IARS1: variants seen among roughly 807,000 people sequenced by gnomAD.
IARS1 encodes isoleucine--tRNA ligase, cytoplasmic.
A neutral mutation model predicts 168.2 loss-of-function variants in IARS1; 124 were observed. The observed-to-expected ratio is 0.74, with a 90% CI of 0.64 to 0.86. The LOEUF (loss-of-function observed/expected upper bound fraction) is 0.86. IARS1 is among the 40% of genes least tolerant of loss of function. The probability of loss-of-function intolerance (pLI) is 0.00; values close to 1 mark genes in which losing one functional copy is unlikely to be tolerated. For synonymous variants in IARS1, 532 were observed against 529.4 expected, an observed-to-expected ratio of 1.00 and a Z score of -0.07; for missense variants, 1,452 against 1,515.8, an observed-to-expected ratio of 0.96 and a Z score of 0.70.
chr9:92,286,855 T>G (rs1347150084), intron 4 of IARS1, among the ~76,000 whole-genome samples: 1 of 152,192 alleles, frequency 6.6e-6, no homozygotes, highest in East Asian at 1.9e-4. Context: ...CTTATAAAAG[T>G]CTACCAAAAC....
intron 21 of IARS1, among the ~76,000 whole-genome samples, chr9:92,252,708 G>A (rs1009535007): frequency 2.4e-5 from 3 of 125,536 alleles, no homozygotes; most frequent in Admixed American, 1.9e-4. Context: ...AGGTTGTAGT[G>A]AGCCAAGATC....
chr9:92,228,853 T>G (rs897622285), intron 31 of IARS1, 148 bp downstream of exon 31: 1 of 803,098 alleles, frequency 1.2e-6, no homozygotes, highest in Admixed American at 2.3e-5. Context: ...GAATAGACAC[T>G]GCAGGCAGGC....
intron 30 of IARS1, among the ~76,000 whole-genome samples, chr9:92,236,150 ATTTT>A (rs1410142287): frequency 6.6e-6 from 1 of 151,718 alleles, no homozygotes; most frequent in African/African-American, 2.4e-5. Flanking sequence ...GGCTTGGCTA[ATTTT>A]TGTATTTTTA....
At chr9:92,276,008 G>A (rs908397266) in intron 9 of IARS1, among the ~76,000 whole-genome samples, 1 of 152,204 alleles carries the variant, frequency 6.6e-6, no homozygotes. Flanking sequence ...TCAGGGGGTT[G>A]AGTTTTTGGG....
At chr9:92,221,291 A>G (rs978905705) in intron 33 of IARS1, among the ~76,000 whole-genome samples, 7 of 149,524 alleles carry the variant, frequency 4.7e-5, no homozygotes, top group African/African-American at 9.8e-5. Context: ...GAGAGAATGA[A>G]TAAGAGGTAA....
At chr9:92,271,217 G>A (rs556120808) in intron 11 of IARS1, 141 bp from the exon 12 acceptor site, 4 of 609,702 alleles carry the variant, frequency 6.6e-6, no homozygotes, top group East Asian at 5.7e-5. Context: ...CTAACTTTAA[G>A]TAATTTTCAA....
chr9:92,215,740 T>C (rs1838564243), intron 33 of IARS1, among the ~76,000 whole-genome samples: 1 of 151,466 alleles, frequency 6.6e-6, no homozygotes, highest in African/African-American at 2.4e-5. Context: ...TAAAACGAAA[T>C]GAGTAAAGCC....
intron 10 of IARS1, among the ~76,000 whole-genome samples, chr9:92,273,149 A>C (rs931950327): frequency 1.3e-5 from 2 of 150,706 alleles, no homozygotes; most frequent in South Asian, 2.1e-4. Flanking sequence ...AAAAAAAAAA[A>C]CCCCTACACT....
chr9:92,260,382 G>A (rs1227222853), intron 17 of IARS1, 148 bp from the exon 18 acceptor site: 6 of 657,930 alleles, frequency 9.1e-6, no homozygotes, highest in Middle Eastern at 3.7e-4. Flanking sequence ...TAGGCCGGGC[G>A]CGGTGGCTCA....
chr9:92,233,215 T>C (rs1296818675), intron 30 of IARS1, among the ~76,000 whole-genome samples: 2 of 152,248 alleles, frequency 1.3e-5, no homozygotes, highest in Admixed American at 6.5e-5. Context: ...TTCTTAGAAA[T>C]CTGATAGCCT....
intron 9 of IARS1, among the ~76,000 whole-genome samples, 166 bp downstream of exon 9, chr9:92,277,697 T>G (rs2133920298): frequency 6.6e-6 from 1 of 151,250 alleles, no homozygotes; most frequent in South Asian, 2.1e-4. Flanking sequence ...AAAAATCCTC[T>G]AAGACAAGAA....
At chr9:92,282,864 T>G (rs201409524) in intron 6 of IARS1, among the ~76,000 whole-genome samples, 1 of 146,468 alleles carries the variant, frequency 6.8e-6, no homozygotes, top group Non-Finnish European at 1.5e-5. Context: ...ATATATATTT[T>G]TTTTTTTTGA....
In IARS1 at chr9:92,287,924, A is replaced by G. The variant is rs956868231; in HGVS notation, c.277-14T>C. ...AATTTCATATTCCTGAAAATTTGTG[A>G]TAAGACTGTTACCACGCTGCCCTAT... On this transcript the variant is annotated splice_polypyrimidine_tract_variant and intron_variant, in intron 3 of 33. Transcript: ENST00000443024. 6 of 1,613,500 alleles carry G rather than the reference A, an allele frequency of 3.7e-6. No homozygotes were observed. Among genetic ancestry groups the G allele is most frequent in the Admixed American group, 1.7e-5 (1 of 59,910 alleles).
At chr9:92,246,367 A>G (rs1829199846) in intron 26 of IARS1, among the ~76,000 whole-genome samples, 1 of 152,152 alleles carries the variant, frequency 6.6e-6, no homozygotes, top group Non-Finnish European at 1.5e-5. Context: ...CTTGTGCCCC[A>G]GGATAGTTAC....
At chr9:92,267,507 C>T (rs1345037155) in intron 14 of IARS1, among the ~76,000 whole-genome samples, 1 of 152,160 alleles carries the variant, frequency 6.6e-6, no homozygotes, top group East Asian at 1.9e-4. Flanking sequence ...GTGGCGTGCA[C>T]CACCATGCCT....
chr9:92,234,652 G>T (rs1236527980), intron 30 of IARS1, among the ~76,000 whole-genome samples: 1 of 152,192 alleles, frequency 6.6e-6, no homozygotes, highest in African/African-American at 2.4e-5. Flanking sequence ...ACCTGAGACA[G>T]CCAGGATGTT....
intron 1 of IARS1, chr9:92,293,321 C>A: frequency 3.6e-6 from 1 of 277,108 alleles, no homozygotes; most frequent in Non-Finnish European, 7.9e-6. Context: ...ATCTCGCAGC[C>A]ATTGAAGGTA....
At chr9:92,290,181 TG>T (rs1384479546) in intron 1 of IARS1, among the ~76,000 whole-genome samples, 1 of 152,218 alleles carries the variant, frequency 6.6e-6, no homozygotes. Flanking sequence ...CAGCAGTGAA[TG>T]AGGATTCTAA....
Position 92,229,121 on chromosome 9 carries a change from C to T in IARS1, c.3289G>A (p.Val1097Ile), listed in dbSNP as rs763763664. The T allele has an allele frequency of 6.2e-7, 1 of 1,612,332 alleles. No individual in the cohort carries two copies. The highest frequency in any genetic ancestry group is 8.5e-7 in the Non-Finnish European group (1 of 1,179,352). The change falls in exon 31 of 34, where the codon GTA (valine) becomes ATA (isoleucine). Residue 1097 changes from valine (V) to isoleucine (I), a missense_variant. By Grantham distance (29) the Val-to-Ile change is conservative (BLOSUM62 3). Transcript: ENST00000443024. Reference sequence around the variant, plus strand: ...CCTTTTGGATTTTCCAGGAGCAATACTCCACCTAAAAAGCCACAAAAATAA... The same window carrying T: ...CCTTTTGGATTTTCCAGGAGCAATATTCCACCTAAAAAGCCACAAAAATAA... ...ICANGSEQGG[V>I]LLLENPKGDN...
Sources: allele counts gnomAD v4.1 joint callset (sites outside exome capture counted in the v4.1 genomes callset), GRCh38; gene constraint gnomAD v4.1.1; transcripts MANE v1.5; gene names NCBI Gene and HGNC (gene_info 2026-07-23, HGNC 2026-07-21).